MAGI2: variants seen among roughly 807,000 people sequenced by gnomAD.
MAGI2 encodes the protein membrane associated guanylate kinase, WW and PDZ domain containing 2, also known as membrane-associated guanylate kinase, WW and PDZ domain-containing protein 2.
In MAGI2, 35 loss-of-function variants were observed where a neutral mutation model predicts 133.3. The observed-to-expected ratio is 0.26, with a 90% CI of 0.20 to 0.35. The LOEUF (loss-of-function observed/expected upper bound fraction) is 0.35, where lower values mean the gene tolerates loss of function less well. MAGI2 is among the 10% of genes least tolerant of loss of function. MAGI2 has a pLI of 1.00. For synonymous variants in MAGI2, 729 were observed against 710.6 expected (o/e 1.03, Z -0.41); for missense variants, 1,636 against 1,863.4 (o/e 0.88, Z 2.25).
At chr7:79,044,167 A>G (rs1420808729) in intron 1 of MAGI2, among the ~76,000 whole-genome samples, 2 of 152,168 alleles carry the variant, frequency 1.3e-5, no homozygotes, top group African/African-American at 4.8e-5. Context: ...ATGAACATAG[A>G]TAAAAAATCC....
chr7:78,023,107 G>C (rs990715960), intron 21 of MAGI2, among the ~76,000 whole-genome samples: 2 of 151,866 alleles, frequency 1.3e-5, no homozygotes, highest in Non-Finnish European at 1.5e-5. Flanking sequence ...AGCCTGCAAA[G>C]CTCCAGGCAC....
chr7:78,242,807 G>A (rs1347465221), intron 10 of MAGI2, among the ~76,000 whole-genome samples: 2 of 152,154 alleles, frequency 1.3e-5, no homozygotes, highest in Non-Finnish European at 2.9e-5. Flanking sequence ...GCCAGGTATG[G>A]TAGCTCATGC....
intron 1 of MAGI2, among the ~76,000 whole-genome samples, chr7:79,116,960 T>C (rs138151290): frequency 0.013 from 2,028 of 152,228 alleles, 16 homozygotes; most frequent in Non-Finnish European, 0.021. Flanking sequence ...CTTTATAAAT[T>C]ACCCAGCCTC....
intron 1 of MAGI2, among the ~76,000 whole-genome samples, chr7:79,265,454 G>A (rs968561439): frequency 6.6e-6 from 1 of 151,982 alleles, no homozygotes; most frequent in Non-Finnish European, 1.5e-5. Context: ...ATTAATATGT[G>A]GTGTATTAAA....
intron 2 of MAGI2, among the ~76,000 whole-genome samples, chr7:78,769,469 GT>G (rs1825360577): frequency 6.6e-6 from 1 of 150,984 alleles, no homozygotes; most frequent in Non-Finnish European, 1.5e-5. Context: ...GCTCTGGGTA[GT>G]TTGTACTGAA....
chr7:79,119,058 C>T (rs956990147), intron 1 of MAGI2, among the ~76,000 whole-genome samples: 1 of 152,072 alleles, frequency 6.6e-6, no homozygotes, highest in Non-Finnish European at 1.5e-5. Context: ...AATGTTTCTA[C>T]TTGCTTTATT....
At chr7:78,990,196 C>T (rs1805629023) in intron 2 of MAGI2, among the ~76,000 whole-genome samples, 1 of 151,936 alleles carries the variant, frequency 6.6e-6, no homozygotes, top group Admixed American at 6.6e-5. Context: ...GAAACTGAGT[C>T]ATAGAGAGGA....
At position 79,367,310 on chromosome 7, in the gene MAGI2, T is replaced by A. The variant is rs115189132; in HGVS notation, c.301+85710A>T. Among the ~76,000 whole-genome samples the A allele has an allele frequency of 5.4e-3, 818 of 152,344 alleles. 5 individuals carry two copies. The highest frequency in any genetic ancestry group is 0.019 in the African/African-American group (788 of 41,570). On this transcript the variant is annotated intron_variant, in intron 1 of 21. Coordinates refer to ENST00000354212, the MANE Select transcript of MAGI2 (RefSeq NM_012301.4). ...TGGCCAATTCTTCTAGAGGACTTTT[T>A]AATCAGTGGAAAGTCCTATTCAGGG...
intron 1 of MAGI2, among the ~76,000 whole-genome samples, chr7:79,086,505 A>G (rs901518922): frequency 6.6e-6 from 1 of 151,946 alleles, no homozygotes; most frequent in Non-Finnish European, 1.5e-5. Context: ...TGTTTCCTGG[A>G]TAAATACTCC....
chr7:78,325,649 C>A (rs1340753358), intron 9 of MAGI2, among the ~76,000 whole-genome samples: 1 of 152,118 alleles, frequency 6.6e-6, no homozygotes, highest in Non-Finnish European at 1.5e-5. Flanking sequence ...AGGTAGATGA[C>A]CAGGATACAG....
chr7:78,365,434 C>T (rs552639687), intron 7 of MAGI2, among the ~76,000 whole-genome samples: 1 of 152,274 alleles, frequency 6.6e-6, no homozygotes, highest in South Asian at 2.1e-4. Context: ...AGTCTGGGCT[C>T]TGCAGTCAAA....
intron 2 of MAGI2, among the ~76,000 whole-genome samples, chr7:78,842,870 C>CT (rs34102759): frequency 3.8e-4 from 58 of 151,436 alleles, no homozygotes; most frequent in African/African-American, 1.3e-3. Context: ...CTAAGTATCA[C>CT]TTTTTTTTTA....
chr7:78,411,645 G>A (rs1166953685), intron 6 of MAGI2, among the ~76,000 whole-genome samples: 1 of 151,934 alleles, frequency 6.6e-6, no homozygotes, highest in Non-Finnish European at 1.5e-5. Context: ...TCTTGCGTTG[G>A]GTTTGTGTGG....
intron 1 of MAGI2, among the ~76,000 whole-genome samples, chr7:79,330,981 C>T (rs1840033997): frequency 6.6e-6 from 1 of 152,040 alleles, no homozygotes; most frequent in African/African-American, 2.4e-5. Context: ...ACAACTGGGA[C>T]ATTAATTCAT....
chr7:78,068,866 C>T (rs1224527311), intron 21 of MAGI2, among the ~76,000 whole-genome samples: 1 of 152,134 alleles, frequency 6.6e-6, no homozygotes, highest in Non-Finnish European at 1.5e-5. Flanking sequence ...TGTTAAACTC[C>T]TTAAGATCAA....
intron 21 of MAGI2, among the ~76,000 whole-genome samples, chr7:78,071,981 G>T (rs936740784): frequency 3.3e-5 from 5 of 152,174 alleles, no homozygotes; most frequent in Non-Finnish European, 7.3e-5. Flanking sequence ...AGTGGTGACC[G>T]TCCTTTGTCT....
chr7:78,855,932 T>A (rs1025303032), intron 2 of MAGI2, among the ~76,000 whole-genome samples: 1 of 152,216 alleles, frequency 6.6e-6, no homozygotes, highest in Non-Finnish European at 1.5e-5. Flanking sequence ...TCCTGACTTT[T>A]CAATGATTGC....
intron 1 of MAGI2, among the ~76,000 whole-genome samples, chr7:79,056,683 A>G (rs1009502848): frequency 1.3e-5 from 2 of 152,220 alleles, no homozygotes; most frequent in African/African-American, 2.4e-5. Context: ...TATATTGGCT[A>G]TGGCAGCTAA....
intron 1 of MAGI2, among the ~76,000 whole-genome samples, chr7:79,197,973 G>T (rs1266967676): frequency 1.3e-5 from 2 of 151,894 alleles, no homozygotes; most frequent in Non-Finnish European, 2.9e-5. Flanking sequence ...AGGGCTGGGG[G>T]TGGTGTCTCA....
Sources: allele counts gnomAD v4.1 joint callset (sites outside exome capture counted in the v4.1 genomes callset), GRCh38; gene constraint gnomAD v4.1.1; transcripts MANE v1.5; gene names NCBI Gene and HGNC (gene_info 2026-07-23, HGNC 2026-07-21).